The following NRG1 variants were observed in gnomAD, a reference collection of about 807,000 sequenced individuals.
NRG1 encodes the protein pro-neuregulin-1, membrane-bound isoform.
Under a neutral mutation model 63.8 loss-of-function variants are expected in NRG1, and 18 were observed. The observed-to-expected ratio is 0.28, with a 90% CI of 0.19 to 0.42. The LOEUF is 0.42. Ranked by LOEUF, NRG1 falls within the 10% of genes least tolerant of loss-of-function variation. The pLI is 1.00. For synonymous variants in NRG1, 302 were observed against 301.3 expected (o/e 1.00, Z -0.02); for missense variants, 762 against 814.7 (o/e 0.94, Z 0.79).
At chr8:32,554,324 TA>T (rs58454086) in intron 1 of NRG1, among the ~76,000 whole-genome samples, 1,636 of 147,706 alleles carry the variant, frequency 0.011, 32 homozygotes, top group African/African-American at 0.039. Context: ...TTTAATGGGT[TA>T]AAAAAAAAAG....
chr8:32,349,155 C>T (rs940994345), intron 1 of NRG1, among the ~76,000 whole-genome samples: 1 of 152,156 alleles, frequency 6.6e-6, no homozygotes, highest in African/African-American at 2.4e-5. Context: ...TGTCAAGACA[C>T]CTTAGTGCAT....
intron 1 of NRG1, among the ~76,000 whole-genome samples, chr8:32,176,986 C>T (rs1176500553): frequency 6.6e-6 from 1 of 152,084 alleles, no homozygotes; most frequent in Non-Finnish European, 1.5e-5. Context: ...GGGTATATTC[C>T]CAAAGGATTA....
chr8:32,603,432 C>T (rs1375901915), intron 2 of NRG1, among the ~76,000 whole-genome samples: 1 of 152,106 alleles, frequency 6.6e-6, no homozygotes. Context: ...TGCTTTGTTA[C>T]CTCATGTTTA....
At chr8:32,279,230 C>T (rs1452503488) in intron 1 of NRG1, among the ~76,000 whole-genome samples, 1 of 152,158 alleles carries the variant, frequency 6.6e-6, no homozygotes, top group Non-Finnish European at 1.5e-5. Context: ...CCTTTATGTG[C>T]CATACCGAGT....
chr8:31,799,036 A>G (rs537639861), intron 1 of NRG1, among the ~76,000 whole-genome samples: 45 of 152,214 alleles, frequency 3.0e-4, no homozygotes, highest in African/African-American at 9.1e-4. Flanking sequence ...GAAGTTTCCT[A>G]ATTTATTCTC....
intron 1 of NRG1, among the ~76,000 whole-genome samples, chr8:31,821,708 G>A (rs1393500910): frequency 1.3e-5 from 2 of 151,992 alleles, no homozygotes; most frequent in Non-Finnish European, 2.9e-5. Context: ...ATGACTCAGA[G>A]TCTGATGTAC....
chr8:32,357,111 G>A (rs1011807663), intron 1 of NRG1, among the ~76,000 whole-genome samples: 4 of 152,170 alleles, frequency 2.6e-5, no homozygotes, highest in Admixed American at 6.5e-5. Flanking sequence ...GGGGAAAAGA[G>A]CATGAGGTTG....
rs553468850 is a variant in NRG1 at position 31,814,313 on chromosome 8, C to T, written c.37+174882C>T. On this transcript the variant is annotated intron_variant, in intron 1 of 10. Coordinates refer to the NRG1 transcript ENST00000519301. ...CTGGGATCCAGTGGGCATCGTGGGT[C>T]AGTTAGTTCTCCAGCCCCGGTTCCT... Among the ~76,000 whole-genome samples the T allele has an allele frequency of 4.8e-4, 73 of 152,316 alleles. 2 individuals are homozygous for T. In the South Asian group the frequency reaches 0.011, roughly 23 times the overall value.
At chr8:32,328,452 T>C (rs1312971534) in intron 1 of NRG1, among the ~76,000 whole-genome samples, 1 of 150,016 alleles carries the variant, frequency 6.7e-6, no homozygotes, top group East Asian at 1.9e-4. Flanking sequence ...TCTGGGAAAA[T>C]AGAATGTTGC....
At chr8:32,451,612 G>A (rs1284432945) in intron 1 of NRG1, among the ~76,000 whole-genome samples, 2 of 152,136 alleles carry the variant, frequency 1.3e-5, no homozygotes, top group South Asian at 2.1e-4. Flanking sequence ...CTCTGGCTTC[G>A]TAAAGATGGG....
intron 1 of NRG1, among the ~76,000 whole-genome samples, chr8:32,114,011 G>A (rs1289987137): frequency 6.6e-5 from 10 of 152,132 alleles, no homozygotes; most frequent in Non-Finnish European, 1.5e-5. Context: ...TTAAACAAAA[G>A]GCAGTCAGAC....
intron 1 of NRG1, among the ~76,000 whole-genome samples, chr8:32,468,000 G>C (rs768222580): frequency 6.6e-5 from 10 of 152,170 alleles, no homozygotes; most frequent in South Asian, 2.1e-4. Context: ...AAGCTGTCTT[G>C]TTGGCAGTCA....
chr8:32,024,928 T>TA (rs1411811186), intron 1 of NRG1, among the ~76,000 whole-genome samples: 3 of 152,160 alleles, frequency 2.0e-5, no homozygotes, highest in African/African-American at 7.2e-5. Context: ...CCTGATTATA[T>TA]AAAAAAGATA....
intron 1 of NRG1, among the ~76,000 whole-genome samples, chr8:31,675,562 C>T (rs1020773689): frequency 3.5e-4 from 53 of 152,156 alleles, no homozygotes; most frequent in African/African-American, 1.3e-3. Context: ...GTCCAATTTG[C>T]AAGAATGCTG....
At chr8:32,069,823 A>T (rs528610139) in intron 1 of NRG1, among the ~76,000 whole-genome samples, 1 of 152,238 alleles carries the variant, frequency 6.6e-6, no homozygotes, top group East Asian at 1.9e-4. Flanking sequence ...ACTTTTCTAG[A>T]TCTCCCTGCA....
chr8:32,358,616 C>A (rs768407562), intron 1 of NRG1, among the ~76,000 whole-genome samples: 3 of 152,116 alleles, frequency 2.0e-5, no homozygotes, highest in Non-Finnish European at 4.4e-5. Context: ...TAGTAGGTGA[C>A]AAGGCTGAAA....
chr8:31,805,251 TG>T (rs1181846955), intron 1 of NRG1, among the ~76,000 whole-genome samples: 4 of 152,072 alleles, frequency 2.6e-5, no homozygotes, highest in Admixed American at 2.6e-4. Context: ...AAATAAATAT[TG>T]TCTTATTTGT....
At chr8:31,722,827 CT>C (rs1395133177) in intron 1 of NRG1, among the ~76,000 whole-genome samples, 1 of 152,068 alleles carries the variant, frequency 6.6e-6, no homozygotes, top group African/African-American at 2.4e-5. Context: ...ACTCCCATTT[CT>C]TTTTTTATAG....
At chr8:32,346,437 A>G (rs1804904635) in intron 1 of NRG1, among the ~76,000 whole-genome samples, 1 of 151,924 alleles carries the variant, frequency 6.6e-6, no homozygotes, top group Non-Finnish European at 1.5e-5. Context: ...TGTTTTGTGT[A>G]TAACCATAAG....
Sources: allele counts gnomAD v4.1 joint callset (sites outside exome capture counted in the v4.1 genomes callset), GRCh38; gene constraint gnomAD v4.1.1; transcripts MANE v1.5; gene names NCBI Gene and HGNC (gene_info 2026-07-23, HGNC 2026-07-21).